The following PTPRD variants were observed in gnomAD, a reference collection of about 807,000 sequenced individuals.
PTPRD encodes the protein protein tyrosine phosphatase receptor type D.
Under a neutral mutation model 214.5 loss-of-function variants are expected in PTPRD, and 34 were observed. That is an observed-to-expected ratio of 0.16 (90% CI 0.12 to 0.21). The LOEUF is 0.21. Among genes scored for constraint, PTPRD ranks in the 10% least tolerant of loss-of-function variants. The pLI, the probability that PTPRD is intolerant of heterozygous loss-of-function variation, is 1.00. For synonymous variants in PTPRD, 1,128 were observed against 845.7 expected (o/e 1.33, Z -5.79); for missense variants, 2,545 against 2,398.7 (o/e 1.06, Z -1.27).
At chr9:9,875,234 T>G (rs1192830178) in intron 5 of PTPRD, among the ~76,000 whole-genome samples, 2 of 152,118 alleles carry the variant, frequency 1.3e-5, no homozygotes, top group Admixed American at 1.3e-4. Context: ...TTTGAGATCC[T>G]TTATGTTTAT....
rs1177364878 is a variant in PTPRD at position 9,310,943 on chromosome 9, A to AAATG, written c.-203+86505_-203+86506insCATT. ...CAGATAAATAAATAAATAAATAAATAAATAAATAAATAAATAAATAACATT... is the reference window on the plus strand; with the variant it reads ...CAGATAAATAAATAAATAAATAAATAAATGAATAAATAAATAAATAAATAACATT... On this transcript the variant is annotated intron_variant, in intron 9 of 45. Coordinates refer to ENST00000381196, the MANE Select transcript of PTPRD (RefSeq NM_002839.4). 2.4e-4 allele frequency among the ~76,000 whole-genome samples: 36 copies of AAATG among 151,476 alleles called. No homozygotes were observed. The East Asian group carries it at 6.4e-3, about 27-fold the overall frequency.
intron 12 of PTPRD, among the ~76,000 whole-genome samples, chr9:8,707,600 G>A (rs577461229): frequency 6.6e-6 from 1 of 152,334 alleles, no homozygotes; most frequent in East Asian, 1.9e-4. Flanking sequence ...AGGGAGGTGA[G>A]TAGTCTAAGT....
chr9:9,199,434 T>C (rs73641256), intron 9 of PTPRD, among the ~76,000 whole-genome samples: 14,531 of 152,174 alleles, frequency 0.095, 868 homozygotes, highest in Middle Eastern at 0.15. Context: ...ACCAGAAAAC[T>C]CAAAGTCTGT....
intron 6 of PTPRD, among the ~76,000 whole-genome samples, chr9:9,735,570 C>T (rs1047490679): frequency 3.9e-5 from 6 of 152,036 alleles, no homozygotes; most frequent in Admixed American, 2.6e-4. Context: ...AGAATAATCT[C>T]CATAATGCTG....
chr9:10,543,521 TACAC>T (rs199937702), intron 2 of PTPRD, among the ~76,000 whole-genome samples: 1 of 129,750 alleles, frequency 7.7e-6, no homozygotes, highest in Non-Finnish European at 1.8e-5. Context: ...CACACACACG[TACAC>T]ACACACACAT....
intron 5 of PTPRD, among the ~76,000 whole-genome samples, chr9:9,777,451 T>C (rs1156507152): frequency 6.6e-6 from 1 of 152,248 alleles, no homozygotes; most frequent in South Asian, 2.1e-4. Context: ...TCCCAGCCAT[T>C]TGGGAGGCCG....
rs1336982039 is a variant in PTPRD at position 10,085,027 on chromosome 9, G to A, written c.-544-51237C>T. Among the ~76,000 whole-genome samples the A allele has an allele frequency of 9.2e-5, 14 of 151,874 alleles. 1 individual carries two copies. Among genetic ancestry groups the A allele is most frequent in the Admixed American group, 9.2e-4 (14 of 15,190 alleles). ...GAAATAAATATCAATGTCTTTTAAA[G>A]TAAAGGATGTCCTCTGGGTGTGTAG... On this transcript the variant is annotated intron_variant, in intron 3 of 45. Transcript: ENST00000381196.
At chr9:9,757,449 G>A (rs760355384) in intron 6 of PTPRD, among the ~76,000 whole-genome samples, 1 of 152,042 alleles carries the variant, frequency 6.6e-6, no homozygotes. Flanking sequence ...ACAAATGGAT[G>A]TTTAATGTAA....
At chr9:8,791,520 AGAC>A in intron 11 of PTPRD, among the ~76,000 whole-genome samples, 1 of 132,288 alleles carries the variant, frequency 7.6e-6, no homozygotes, top group Non-Finnish European at 1.6e-5. Flanking sequence ...CACCATGCCC[AGAC>A]TTTTTTTTTT....
intron 12 of PTPRD, chr9:8,713,181 G>A: frequency 1.8e-6 from 1 of 564,366 alleles, no homozygotes; most frequent in Non-Finnish European, 3.1e-6. Flanking sequence ...GTCAGTGCCA[G>A]AATTTCAGGG....
At chr9:10,462,695 GAAGT>G (rs1233869960) in intron 2 of PTPRD, among the ~76,000 whole-genome samples, 5 of 150,776 alleles carry the variant, frequency 3.3e-5, no homozygotes, top group African/African-American at 9.8e-5. Flanking sequence ...CATTGAGAAG[GAAGT>G]AAGATATCTA....
intron 5 of PTPRD, among the ~76,000 whole-genome samples, chr9:9,920,989 A>G (rs1336565901): frequency 6.6e-6 from 1 of 152,156 alleles, no homozygotes; most frequent in East Asian, 1.9e-4. Context: ...ACTAAGGCTT[A>G]TCAATTCATT....
At chr9:9,256,639 T>C (rs1004053633) in intron 9 of PTPRD, among the ~76,000 whole-genome samples, 3 of 152,042 alleles carry the variant, frequency 2.0e-5, no homozygotes. Flanking sequence ...GCCTCGGTTC[T>C]TTCTATTATA....
At chr9:10,354,628 A>C (rs1355781179) in intron 2 of PTPRD, among the ~76,000 whole-genome samples, 1 of 152,188 alleles carries the variant, frequency 6.6e-6, no homozygotes, top group Non-Finnish European at 1.5e-5. Flanking sequence ...TCTTCTATTC[A>C]GTTTGTATTA....
At chr9:9,068,671 G>C (rs1317872032) in intron 10 of PTPRD, among the ~76,000 whole-genome samples, 1 of 152,020 alleles carries the variant, frequency 6.6e-6, no homozygotes, top group Non-Finnish European at 1.5e-5. Context: ...GAGTGCAGTG[G>C]CGCACTCTCA....
rs141603921 is a variant in PTPRD at position 8,486,335 on chromosome 9, G to A, written c.2482C>T (p.Arg828Trp). The part of the protein sequence containing the change: ...STTGAVPGKP[R>W]LVINHTQMNT... Reference sequence around the variant, plus strand: ...ATCTGAGTGTGGTTAATCACAAGCCGAGGTTTCCCTGGAACTGGAGCACAT... The same window carrying A: ...ATCTGAGTGTGGTTAATCACAAGCCAAGGTTTCCCTGGAACTGGAGCACAT... Residue 828 changes from arginine to tryptophan, a missense_variant, in exon 28 of 46, where the codon CGG becomes TGG. Physicochemically the swap from Arg to Trp is moderately radical, Grantham distance 101. Transcript: ENST00000381196. 204 of 1,613,948 alleles carry A rather than the reference G, an allele frequency of 1.3e-4. No individual in the cohort carries two copies. Among genetic ancestry groups the A allele is most frequent in the Non-Finnish European group, 1.6e-4 (185 of 1,179,950 alleles).
chr9:8,699,327 C>T (rs376676491), intron 12 of PTPRD, among the ~76,000 whole-genome samples: 1 of 152,006 alleles, frequency 6.6e-6, no homozygotes, highest in East Asian at 1.9e-4. Context: ...ATGAGGCAGA[C>T]AAAGAAACTC....
intron 12 of PTPRD, among the ~76,000 whole-genome samples, chr9:8,709,919 T>G (rs1179118359): frequency 1.3e-5 from 2 of 152,170 alleles, no homozygotes; most frequent in East Asian, 3.9e-4. Flanking sequence ...AAGCATGTGA[T>G]CTCTGAAGTC....
intron 11 of PTPRD, among the ~76,000 whole-genome samples, chr9:8,978,601 G>T (rs2099282843): frequency 6.6e-6 from 1 of 152,070 alleles, no homozygotes; most frequent in Non-Finnish European, 1.5e-5. Flanking sequence ...CAGGGTAAGG[G>T]TTTCGTGGAT....
Sources: allele counts gnomAD v4.1 joint callset (sites outside exome capture counted in the v4.1 genomes callset), GRCh38; gene constraint gnomAD v4.1.1; transcripts MANE v1.5; gene names NCBI Gene and HGNC (gene_info 2026-07-23, HGNC 2026-07-21).